The following CSMD1 variants were observed in gnomAD, a reference collection of about 807,000 sequenced individuals.
CSMD1 encodes the protein CUB and Sushi multiple domains 1.
Under a neutral mutation model 417.5 loss-of-function variants are expected in CSMD1, and 213 were observed. The ratio of observed to expected loss-of-function variants is 0.51; its 90% CI spans 0.46 to 0.57. CSMD1 has a LOEUF of 0.57. Among genes scored for constraint, CSMD1 ranks in the 20% least tolerant of loss-of-function variants. The probability of loss-of-function intolerance (pLI) is 0.00; values close to 1 mark genes in which losing one functional copy is unlikely to be tolerated. For missense variants in CSMD1, 6,923 were observed against 4,529.7 expected, an observed-to-expected ratio of 1.53 and a Z score of -15.17; for synonymous variants, 2,862 against 1,736.8, an observed-to-expected ratio of 1.65 and a Z score of -16.11.
chr8:4,643,396 C>A (rs189558077), intron 1 of CSMD1, among the ~76,000 whole-genome samples: 1 of 152,324 alleles, frequency 6.6e-6, no homozygotes, highest in East Asian at 1.9e-4. Context: ...TCCAAAGCAT[C>A]TTTCATTTTT....
intron 33 of CSMD1, among the ~76,000 whole-genome samples, chr8:3,191,001 AT>A (rs1481529645): frequency 6.6e-6 from 1 of 152,222 alleles, no homozygotes; most frequent in Non-Finnish European, 1.5e-5. Flanking sequence ...TTGAGTGGCT[AT>A]AAAGTTTCAC....
intron 3 of CSMD1, among the ~76,000 whole-genome samples, chr8:4,345,488 T>C (rs1028883663): frequency 1.3e-5 from 2 of 151,930 alleles, no homozygotes; most frequent in Non-Finnish European, 2.9e-5. Context: ...AAAGCTTTTA[T>C]ATAGCAAAGG....
chr8:4,755,404 G>C (rs183044044), intron 1 of CSMD1, among the ~76,000 whole-genome samples: 109 of 152,094 alleles, frequency 7.2e-4, no homozygotes, highest in African/African-American at 2.5e-3. Flanking sequence ...GAAATACTTG[G>C]TTCTGATGAC....
At chr8:4,687,510 G>A (rs141951124) in intron 1 of CSMD1, among the ~76,000 whole-genome samples, 84 of 152,276 alleles carry the variant, frequency 5.5e-4, no homozygotes, top group African/African-American at 1.9e-3. Flanking sequence ...CAGAAGACAC[G>A]ATCTCTGGGA....
At chr8:3,915,846 C>T (rs1345419439) in intron 5 of CSMD1, among the ~76,000 whole-genome samples, 2 of 146,916 alleles carry the variant, frequency 1.4e-5, no homozygotes, top group African/African-American at 2.5e-5. Context: ...TACATATCAC[C>T]CCAACTAGAA....
chr8:3,883,938 G>A (rs59739585), intron 5 of CSMD1, among the ~76,000 whole-genome samples: 8,030 of 151,996 alleles, frequency 0.053, 252 homozygotes, highest in Middle Eastern at 0.082. Context: ...ATAGGCATAC[G>A]CTTTTAAACA....
At chr8:3,850,162 C>G (rs1394248503) in intron 5 of CSMD1, among the ~76,000 whole-genome samples, 1 of 152,208 alleles carries the variant, frequency 6.6e-6, no homozygotes, top group African/African-American at 2.4e-5. Context: ...TTATGAATTT[C>G]AAGTGTCTGC....
intron 29 of CSMD1, among the ~76,000 whole-genome samples, chr8:3,217,274 G>C (rs1005461513): frequency 6.6e-6 from 1 of 152,190 alleles, no homozygotes; most frequent in Non-Finnish European, 1.5e-5. Context: ...ATTTTTCACA[G>C]ACTCCACTGG....
intron 1 of CSMD1, among the ~76,000 whole-genome samples, chr8:4,845,420 G>A (rs751816826): frequency 6.6e-6 from 1 of 152,172 alleles, no homozygotes; most frequent in African/African-American, 2.4e-5. Context: ...CTCTCATTGA[G>A]AACTTGAATC....
At chr8:3,699,011 TGTACCCA>T (rs1412382575) in intron 7 of CSMD1, among the ~76,000 whole-genome samples, 3 of 152,170 alleles carry the variant, frequency 2.0e-5, no homozygotes, top group Non-Finnish European at 2.9e-5. Flanking sequence ...CCACCCTCCT[TGTACCCA>T]CATCCCACCT....
chr8:4,079,893 A>G (rs1800036174), intron 3 of CSMD1, among the ~76,000 whole-genome samples: 1 of 152,196 alleles, frequency 6.6e-6, no homozygotes, highest in Non-Finnish European at 1.5e-5. Context: ...CTGGGGCAGA[A>G]GGGCCATATT....
At chr8:3,214,071 C>T (rs1251596210) in intron 30 of CSMD1, among the ~76,000 whole-genome samples, 1 of 152,044 alleles carries the variant, frequency 6.6e-6, no homozygotes, top group East Asian at 1.9e-4. Flanking sequence ...GTCTCGAACT[C>T]CTAACCTCGC....
intron 3 of CSMD1, among the ~76,000 whole-genome samples, chr8:4,418,102 G>T (rs967577662): frequency 2.0e-5 from 3 of 151,526 alleles, no homozygotes; most frequent in Admixed American, 6.6e-5. Context: ...TACAATTTTG[G>T]TTTAGCCAAC....
intron 30 of CSMD1, among the ~76,000 whole-genome samples, chr8:3,206,041 A>G (rs188864853): frequency 4.6e-5 from 7 of 152,296 alleles, no homozygotes; most frequent in African/African-American, 1.7e-4. Flanking sequence ...TGGGAATCAA[A>G]GGAAAAATGT....
chr8:4,140,906 G>T (rs904918572), intron 3 of CSMD1, among the ~76,000 whole-genome samples: 1 of 151,064 alleles, frequency 6.6e-6, no homozygotes, highest in African/African-American at 2.5e-5. Flanking sequence ...GCTCAGTAGG[G>T]CCGACTTACT....
chr8:3,502,341 G>A (rs955241829), intron 10 of CSMD1, among the ~76,000 whole-genome samples: 5 of 146,484 alleles, frequency 3.4e-5, no homozygotes, highest in African/African-American at 1.0e-4. Context: ...CTGCAGCCTG[G>A]GGGACAGACC....
chr8:4,912,842 G>C (rs1323588825), intron 1 of CSMD1, among the ~76,000 whole-genome samples: 3 of 152,008 alleles, frequency 2.0e-5, no homozygotes, highest in African/African-American at 4.8e-5. Flanking sequence ...CTAGAGTGCA[G>C]TGGTGCAACC....
chr8:4,256,033 C>A (rs1339388736), intron 3 of CSMD1, among the ~76,000 whole-genome samples: 5 of 152,142 alleles, frequency 3.3e-5, no homozygotes, highest in South Asian at 2.1e-4. Flanking sequence ...GGAAAGAACA[C>A]CACTTTTTAG....
intron 3 of CSMD1, among the ~76,000 whole-genome samples, chr8:4,369,252 C>G (rs1584968250): frequency 6.6e-6 from 1 of 152,014 alleles, no homozygotes; most frequent in East Asian, 1.9e-4. Flanking sequence ...AATTGTATGG[C>G]TCTGATGGGT....
Sources: gnomAD v4.1 joint callset for allele counts (sites outside exome capture counted in the v4.1 genomes callset) on GRCh38, gnomAD v4.1.1 for gene constraint, MANE v1.5 for transcripts, NCBI Gene and HGNC (gene_info 2026-07-23, HGNC 2026-07-21) for gene names.